DYRK1A: variants seen among roughly 807,000 people sequenced by gnomAD.
The protein encoded by DYRK1A is dual specificity tyrosine-phosphorylation-regulated kinase 1A.
DYRK1A carries 9 observed loss-of-function variants against 79.7 expected under a neutral mutation model. The ratio of observed to expected loss-of-function variants is 0.11; its 90% CI spans 0.07 to 0.20. The LOEUF (loss-of-function observed/expected upper bound fraction) is 0.20, where lower values mean the gene tolerates loss of function less well. Among genes scored for constraint, DYRK1A ranks in the 10% least tolerant of loss-of-function variants. The pLI is 1.00. For synonymous variants in DYRK1A, 349 were observed against 329.7 expected (o/e 1.06, Z -0.63); for missense variants, 622 against 956.0 (o/e 0.65, Z 4.61).
In DYRK1A at chr21:37,484,807, A is replaced by C. The variant is rs943616930; in HGVS notation, c.490-1660A>C. ...ATTCCACAGAACAAGTGAGCACAGG[A>C]ACCCTGTGACGATAGAGTCCTGCTT... On this transcript the variant is annotated intron_variant, in intron 5 of 11. Coordinates refer to ENST00000647188, the MANE Select transcript of DYRK1A (RefSeq NM_001347721.2). 2.0e-5 allele frequency among the ~76,000 whole-genome samples: 3 copies of C among 152,296 alleles called. No homozygotes were observed. The South Asian group carries it at 6.2e-4, about 32-fold the overall frequency.
chr21:37,501,166 G>GTTTTTTTTTTTTGTTTTTTTTTTTTTT (rs2053434064), intron 9 of DYRK1A, among the ~76,000 whole-genome samples: 2 of 93,996 alleles, frequency 2.1e-5, no homozygotes, highest in African/African-American at 9.4e-5. Flanking sequence ...GTTGTTGTTG[G>GTTTTTTTTTTTTGTTTTTTTTTTTTTT]TTTTTTTTTT....
chr21:37,433,633 A>G (rs2050839916), intron 2 of DYRK1A, among the ~76,000 whole-genome samples: 1 of 152,212 alleles, frequency 6.6e-6, no homozygotes, highest in African/African-American at 2.4e-5. Context: ...TGAGTCTTTC[A>G]GGGAATGGAT....
At position 37,512,072 on chromosome 21, in the gene DYRK1A, CCACCACCACCAT is replaced by C. The variant is rs752377554; in HGVS notation, c.1819_1830del (p.His607_His610del). ...GTAACAGTTCCCATCACCATCACCA[CCACCACCACCAT>C]CACCACCACCATGGACAACAAGCCT... On this transcript the variant is annotated inframe_deletion, in exon 12 of 12. Transcript: ENST00000647188. 4 of 1,613,998 alleles carry C rather than the reference CCACCACCACCAT, an allele frequency of 2.5e-6. No homozygotes were observed. The highest frequency in any genetic ancestry group is 2.5e-6 in the Non-Finnish European group (3 of 1,179,958).
At chr21:37,489,778 G>A (rs1361031306) in intron 6 of DYRK1A, among the ~76,000 whole-genome samples, 1 of 152,138 alleles carries the variant, frequency 6.6e-6, no homozygotes, top group Non-Finnish European at 1.5e-5. Flanking sequence ...AGTAGGTGGA[G>A]CTTAGACATA....
In DYRK1A at chr21:37,430,260, T is replaced by C. The variant is rs565615252; in HGVS notation, c.10+9876T>C. 1.5e-4 allele frequency: 141 copies of C among 952,420 alleles called. 1 individual carries two copies. The South Asian group carries it at 6.2e-3, about 42-fold the overall frequency. The allele number at this position is 952,420 out of a possible 1,614,324, so 59.0% of individuals were successfully genotyped here. The stretch of plus-strand genomic sequence containing the variant: ...TTTCACTTAATTGAATCCTTTATTT[T>C]TGTCTTAGAATCTTCTGAATATTGA... On this transcript the variant is annotated intron_variant, in intron 2 of 11. Coordinates refer to ENST00000647188, the MANE Select transcript of DYRK1A (RefSeq NM_001347721.2).
At chr21:37,401,313 T>G (rs1457784440) in intron 1 of DYRK1A, among the ~76,000 whole-genome samples, 1 of 152,148 alleles carries the variant, frequency 6.6e-6, no homozygotes, top group Non-Finnish European at 1.5e-5. Flanking sequence ...AGTGGAAAGT[T>G]TTCATGGTCA....
rs551333068 is a variant in DYRK1A, at chr21:37,367,627, C to G, written c.-78C>G. 1 of 145,086 alleles carries G rather than the reference C, an allele frequency of 6.9e-6. No individual in the cohort carries two copies. The highest frequency in any genetic ancestry group is 2.5e-5 in the African/African-American group (1 of 40,158). 9.0% of individuals were successfully genotyped at this position (145,086 alleles called of 1,614,324 possible). On this transcript the variant is annotated splice_region_variant and 5_prime_UTR_variant, in exon 1 of 12. Coordinates refer to ENST00000647188, the MANE Select transcript of DYRK1A (RefSeq NM_001347721.2). ...CGGCGCGAGCGCCCCGCCATCGTCC[C>G]GGTGAGTGTCCGGCCCGGCCGCGGC...
At chr21:37,461,225 G>C (rs1441704660) in intron 2 of DYRK1A, among the ~76,000 whole-genome samples, 1 of 151,624 alleles carries the variant, frequency 6.6e-6, no homozygotes, top group Non-Finnish European at 1.5e-5. Flanking sequence ...TCAAATATAG[G>C]TAGTATTTCA....
intron 2 of DYRK1A, among the ~76,000 whole-genome samples, chr21:37,421,338 AGG>A (rs1878561231): frequency 6.6e-6 from 1 of 152,070 alleles, no homozygotes; most frequent in Admixed American, 6.6e-5. Context: ...GGTTTTGTCT[AGG>A]GGAAAAATCA....
At chr21:37,420,412 A>G in intron 2 of DYRK1A, 28 bp downstream of exon 2, 1 of 1,609,650 alleles carries the variant, frequency 6.2e-7, no homozygotes, top group South Asian at 1.1e-5. Context: ...ATACAGTAAA[A>G]CTCTGGCTAA....
At chr21:37,387,902 A>G (rs2049791515) in intron 1 of DYRK1A, among the ~76,000 whole-genome samples, 1 of 152,154 alleles carries the variant, frequency 6.6e-6, no homozygotes, top group African/African-American at 2.4e-5. Context: ...ATACAGTTTG[A>G]ATTTTGGATT....
chr21:37,373,517 A>G (rs1174393719), intron 1 of DYRK1A, among the ~76,000 whole-genome samples: 1 of 152,328 alleles, frequency 6.6e-6, no homozygotes, highest in East Asian at 1.9e-4. Flanking sequence ...AAACAACAGT[A>G]TAACTTATCT....
intron 8 of DYRK1A, among the ~76,000 whole-genome samples, chr21:37,494,131 G>A (rs1353912173): frequency 1.3e-5 from 2 of 151,510 alleles, no homozygotes; most frequent in African/African-American, 4.8e-5. Context: ...ACCTCAAGTG[G>A]TCTGCCCGTC....
intron 1 of DYRK1A, chr21:37,367,940 G>A (rs747681119): frequency 2.3e-4 from 37 of 160,192 alleles, no homozygotes; most frequent in Non-Finnish European, 4.3e-4. Context: ...GGTGGAGGTT[G>A]TCTTCCTCCT....
intron 11 of DYRK1A, among the ~76,000 whole-genome samples, chr21:37,507,697 G>T (rs1352990997): frequency 1.6e-5 from 2 of 126,498 alleles, no homozygotes; most frequent in African/African-American, 6.4e-5. Context: ...TTCCTTCACT[G>T]TCTGTTTCGT....
chr21:37,374,068 T>C (rs562853972), intron 1 of DYRK1A, among the ~76,000 whole-genome samples: 29 of 152,130 alleles, frequency 1.9e-4, no homozygotes, highest in Non-Finnish European at 3.7e-4. Context: ...GTGAAGGGAT[T>C]TTGGGTCTAA....
chr21:37,376,174 A>G (rs2049535729), intron 1 of DYRK1A, among the ~76,000 whole-genome samples: 1 of 152,150 alleles, frequency 6.6e-6, no homozygotes, highest in Non-Finnish European at 1.5e-5. Context: ...TTTGGAAAGG[A>G]GGGAAGAACA....
In DYRK1A at chr21:37,478,123, A is replaced by T. The variant is rs1388345392; in HGVS notation, c.208-85A>T. The stretch of plus-strand genomic sequence containing the variant: ...TTAAAAAAGTAGATACATGCAGGTT[A>T]CAGAAGAGGGAATTTATATCTTATA... On this transcript the variant is annotated intron_variant, in intron 3 of 11. Transcript: ENST00000647188. 6 of 1,576,482 alleles carry T rather than the reference A, an allele frequency of 3.8e-6. No homozygotes were observed. The Admixed American group carries it at 9.1e-5, about 24-fold the overall frequency.
chr21:37,392,134 G>C (rs2148387988), intron 1 of DYRK1A, among the ~76,000 whole-genome samples: 1 of 152,340 alleles, frequency 6.6e-6, no homozygotes, highest in Admixed American at 6.5e-5. Context: ...CAGGCTCTTT[G>C]AGGTTGTAGA....
Sources: gnomAD v4.1 joint callset for allele counts (sites outside exome capture counted in the v4.1 genomes callset) on GRCh38, gnomAD v4.1.1 for gene constraint, MANE v1.5 for transcripts, NCBI Gene and HGNC (gene_info 2026-07-23, HGNC 2026-07-21) for gene names.